The following WASHC2A variants were observed in gnomAD, a reference collection of about 807,000 sequenced individuals.
The protein encoded by WASHC2A is WASH complex subunit 2A.
WASHC2A carries 82 observed loss-of-function variants against 140.3 expected under a neutral mutation model. That is an observed-to-expected ratio of 0.58 (90% confidence interval 0.49 to 0.70). The LOEUF (loss-of-function observed/expected upper bound fraction) is 0.70. Ranked by LOEUF, WASHC2A falls within the 30% of genes least tolerant of loss-of-function variation. The pLI, the probability that WASHC2A is intolerant of heterozygous loss-of-function variation, is 0.00. For synonymous variants in WASHC2A, 340 were observed against 560.8 expected (o/e 0.61, Z 5.56); for missense variants, 985 against 1,521.8 (o/e 0.65, Z 5.87).
intron 18 of WASHC2A, 102 bp from the exon 19 acceptor site, chr10:50,106,232 A>G: frequency 7.5e-7 from 1 of 1,340,954 alleles, no homozygotes; most frequent in East Asian, 2.3e-5. Context: ...TGTTATTTGT[A>G]TACCTGACTG....
intron 20 of WASHC2A, among the ~76,000 whole-genome samples, chr10:50,111,886 G>A (rs1554890548): frequency 1.3e-5 from 2 of 152,020 alleles, no homozygotes; most frequent in Non-Finnish European, 2.9e-5. Flanking sequence ...AAATGAGCTG[G>A]GCGTCATGTC....
chr10:50,124,081 G>GT (rs1259297443), intron 23 of WASHC2A, among the ~76,000 whole-genome samples: 73 of 150,492 alleles, frequency 4.9e-4, no homozygotes, highest in African/African-American at 1.6e-3. Flanking sequence ...TTTTTCATTA[G>GT]TTTTTTTGGT....
rs1844104007 is a variant in WASHC2A at position 50,132,827 on chromosome 10, T to C, written c.3908T>C (p.Ile1303Thr). ...AAAGATGACATCTTCTCCTCTGGTA[T>C]CCAGGCTAAGACAACCAAACCAAAA... ...DDMDDIFSSG[I>T]QAKTTKPKSR... Residue 1303 changes from isoleucine to threonine, a missense_variant, in exon 31 of 31, where the codon ATC becomes ACC. By Grantham distance (89) the Ile-to-Thr change is moderately conservative (BLOSUM62 -1). Transcript: ENST00000282633. 1.2e-6 allele frequency: 2 copies of C among 1,611,938 alleles called. No individual in the cohort carries two copies. Among genetic ancestry groups the C allele is most frequent in the Admixed American group, 1.7e-5 (1 of 60,000 alleles).
At chr10:50,088,552 GC>G (rs1489264377) in intron 8 of WASHC2A, among the ~76,000 whole-genome samples, 1 of 151,300 alleles carries the variant, frequency 6.6e-6, no homozygotes, top group Non-Finnish European at 1.5e-5. Flanking sequence ...GAGCCACCAC[GC>G]CCAGCCAATA....
At chr10:50,129,020 C>G in intron 28 of WASHC2A, among the ~76,000 whole-genome samples, 1 of 151,938 alleles carries the variant, frequency 6.6e-6, no homozygotes, top group Non-Finnish European at 1.5e-5. Context: ...ACCAGAATTC[C>G]CCGATTCTTT....
At chr10:50,082,811 G>A (rs1839031681) in intron 5 of WASHC2A, among the ~76,000 whole-genome samples, 1 of 140,764 alleles carries the variant, frequency 7.1e-6, no homozygotes, top group African/African-American at 2.7e-5. Flanking sequence ...GTGTGGTGTG[G>A]GACTGACAGG....
rs577403603 is a variant in WASHC2A, at chr10:50,092,117, T to C, written c.932-45T>C. The stretch of plus-strand genomic sequence containing the variant: ...GTGGAAAGAACCAGGATGTGTATAC[T>C]GAGGGAGGACTTAGTACTATTAAAA... On this transcript the variant is annotated intron_variant, in intron 10 of 30. Transcript: ENST00000282633. 3.5e-3 allele frequency: 4,332 copies of C among 1,237,238 alleles called. 9 individuals are homozygous for C. The highest frequency in any genetic ancestry group is 5.8e-3 in the Admixed American group (289 of 49,414). 76.6% of individuals were successfully genotyped at this position (1,237,238 alleles called of 1,614,324 possible).
chr10:50,129,922 T>A lies in WASHC2A; in HGVS notation c.3591T>A (p.Asn1197Lys). Residue 1197 changes from asparagine (N) to lysine (K), a missense_variant, in exon 29 of 31, where the codon AAT becomes AAA. By Grantham distance (94) the Asn-to-Lys change is moderately conservative (BLOSUM62 0). Coordinates refer to ENST00000282633, the MANE Select transcript of WASHC2A (RefSeq NM_001005751.3). Reference protein sequence around the residue: ...SAKPKPAKKTNPFPLLEDEDD... With the variant: ...SAKPKPAKKTKPFPLLEDEDD... ...AACCAAAACCAGCAAAGAAAACAAATCCCTTTCCTCTCCTGGAAGATGAGG... is the reference window on the plus strand; with the variant it reads ...AACCAAAACCAGCAAAGAAAACAAAACCCTTTCCTCTCCTGGAAGATGAGG... 1 of 1,611,970 alleles carries A rather than the reference T, an allele frequency of 6.2e-7. No homozygotes were observed. The highest frequency in any genetic ancestry group is 1.1e-5 in the South Asian group (1 of 90,980).
At chr10:50,102,099 A>G (rs1554887048) in intron 17 of WASHC2A, among the ~76,000 whole-genome samples, 1 of 152,172 alleles carries the variant, frequency 6.6e-6, no homozygotes, top group Non-Finnish European at 1.5e-5. Flanking sequence ...CCCCTTCTTG[A>G]TGGTGGGAGT....
chr10:50,124,905 A>G (rs1843301812), intron 23 of WASHC2A, among the ~76,000 whole-genome samples: 1 of 151,332 alleles, frequency 6.6e-6, no homozygotes. Flanking sequence ...TTATAAATAT[A>G]TTTTCTGGTA....
chr10:50,093,238 C>T, intron 11 of WASHC2A, 30 bp from the exon 12 acceptor site: 2 of 1,003,478 alleles, frequency 2.0e-6, no homozygotes, highest in Admixed American at 2.4e-5. Context: ...CTTTAATACT[C>T]CCTGCAAAAC....
intron 16 of WASHC2A, among the ~76,000 whole-genome samples, chr10:50,099,566 A>G (rs2132673482): frequency 6.7e-6 from 1 of 149,792 alleles, no homozygotes; most frequent in Admixed American, 6.6e-5. Context: ...TTGACCTTTC[A>G]CTGCTGTCCT....
At chr10:50,109,129 G>A (rs1273431339) in intron 19 of WASHC2A, among the ~76,000 whole-genome samples, 2 of 152,122 alleles carry the variant, frequency 1.3e-5, no homozygotes, top group Non-Finnish European at 2.9e-5. Flanking sequence ...AAATAGGCGC[G>A]GGGCCTGAAA....
chr10:50,132,829 C>T lies in WASHC2A; in HGVS notation c.3910C>T (p.Gln1304Ter), dbSNP rs1844104604. ...DMDDIFSSGI[Q>*]AKTTKPKSRS... The stretch of plus-strand genomic sequence containing the variant: ...AGATGACATCTTCTCCTCTGGTATC[C>T]AGGCTAAGACAACCAAACCAAAAAG... The change falls in exon 31 of 31, where the codon CAG becomes TAG. Residue 1304 changes from glutamine to a stop codon, truncating the protein, a stop_gained. Transcript: ENST00000282633. LOFTEE classifies it high-confidence loss of function. 1.2e-6 allele frequency: 2 copies of T among 1,612,002 alleles called. No homozygotes were observed. The highest frequency in any genetic ancestry group is 1.7e-6 in the Non-Finnish European group (2 of 1,179,856).
chr10:50,067,962 G>C lies in WASHC2A; in HGVS notation c.-44G>C, dbSNP rs782772493. The C allele has an allele frequency of 6.3e-7, 1 of 1,595,784 alleles. No individual in the cohort carries two copies. Among genetic ancestry groups the C allele is most frequent in the Non-Finnish European group, 8.5e-7 (1 of 1,173,046 alleles). The stretch of plus-strand genomic sequence containing the variant: ...GGCTTCCGGGGCTCTGCAGTCCTCG[G>C]CGTGTGCTGGCAGCTTCGGAGCCCA... On this transcript the variant is annotated 5_prime_UTR_variant, in exon 1 of 31. Coordinates refer to ENST00000282633, the MANE Select transcript of WASHC2A (RefSeq NM_001005751.3).
At position 50,126,068 on chromosome 10, in the gene WASHC2A, A is replaced by G; in HGVS notation, c.2700A>G (p.Lys900=). The G allele has an allele frequency of 6.2e-7, 1 of 1,613,870 alleles. No individual in the cohort carries two copies. The highest frequency in any genetic ancestry group is 8.5e-7 in the Non-Finnish European group (1 of 1,179,852). Residue 900 remains lysine, a synonymous_variant, in exon 26 of 31, where the codon AAA becomes AAG. Transcript: ENST00000282633. ...SAKSQPLVQE[K]KRVVKKDHSV... is the part of the protein sequence containing the mutation. ...TTTTTCTTTTGAAGGTACAAGAGAA[A>G]AAGAGAGTAGTGAAAAAAGACCACT...
chr10:50,103,355 C>T (rs1359248088), intron 17 of WASHC2A, among the ~76,000 whole-genome samples: 4 of 151,846 alleles, frequency 2.6e-5, no homozygotes, highest in African/African-American at 4.8e-5. Flanking sequence ...GTCAGGAGAT[C>T]GAGACCATCC....
rs1409378844 is a variant in WASHC2A, at chr10:50,102,294, A to G, written c.1636-1748A>G. ...GGAATGCGTCCTGACTCCTTTCTCT[A>G]TATCTCAAGTGTGAGGCTGAAGCTT... On this transcript the variant is annotated intron_variant, in intron 17 of 30. Coordinates refer to ENST00000282633, the MANE Select transcript of WASHC2A (RefSeq NM_001005751.3). 5.3e-5 allele frequency among the ~76,000 whole-genome samples: 8 copies of G among 152,322 alleles called. No homozygotes were observed. The South Asian group carries it at 8.3e-4, about 16-fold the overall frequency.
intron 18 of WASHC2A, among the ~76,000 whole-genome samples, chr10:50,105,156 A>G (rs1841628413): frequency 6.6e-6 from 1 of 152,034 alleles, no homozygotes; most frequent in South Asian, 2.1e-4. Flanking sequence ...TCAAGTGGAG[A>G]TACAAAGGAG....
Sources: gnomAD v4.1 joint callset for allele counts (sites outside exome capture counted in the v4.1 genomes callset) on GRCh38, gnomAD v4.1.1 for gene constraint, MANE v1.5 for transcripts, NCBI Gene and HGNC (gene_info 2026-07-23, HGNC 2026-07-21) for gene names.